Variants in DERL2 observed in about 807,000 individuals in gnomAD.
DERL2 encodes derlin-2.
In DERL2, 13 loss-of-function variants were observed where a neutral mutation model predicts 32.0. That is an observed-to-expected ratio of 0.41 (90% CI 0.26 to 0.65). The LOEUF (loss-of-function observed/expected upper bound fraction) is 0.65, where lower values mean the gene tolerates loss of function less well. DERL2 is among the 30% of genes least tolerant of loss of function. The pLI is 0.35. For missense variants in DERL2, 208 were observed against 296.3 expected (o/e 0.70, Z 2.19); for synonymous variants, 111 against 104.7 (o/e 1.06, Z -0.37).
chr17:5,486,198 C>T (rs755366412), upstream of DERL2: 9 of 1,242,164 alleles, frequency 7.2e-6, no homozygotes, highest in Admixed American at 7.4e-5. Flanking sequence ...CCCACCCACC[C>T]CATTTCCCCT....
upstream of DERL2, chr17:5,486,580 T>A: frequency 6.4e-6 from 1 of 156,826 alleles, no homozygotes. Context: ...GTCGGAATTT[T>A]GGGGAGCCAA....
chr17:5,480,362 TA>T, intron 5 of DERL2, 24 bp downstream of exon 5: 1 of 1,582,496 alleles, frequency 6.3e-7, no homozygotes, highest in Admixed American at 2.0e-5. Flanking sequence ...TAAAATAATT[TA>T]AAAAATAGTG....
At chr17:5,482,500 C>T (rs866690765) in intron 3 of DERL2, 22 of 223,530 alleles carry the variant, frequency 9.8e-5, no homozygotes, top group East Asian at 1.5e-4. Flanking sequence ...GGTTGTTTTA[C>T]GGCTTCGAAC....
rs1905255722 is a variant in DERL2, at chr17:5,474,255, ATC to A, written c.*427_*428del. The A allele has an allele frequency of 6.5e-6, 1 of 153,606 alleles. No individual in the cohort carries two copies. The highest frequency in any genetic ancestry group is 2.4e-5 in the African/African-American group (1 of 41,502). 9.5% of individuals were successfully genotyped at this position (153,606 alleles called of 1,614,324 possible). ...CTACGCAGGAGGGCTACAATACATT[ATC>A]AGAATTTAAAAGATCACACACAAAA... On this transcript the variant is annotated 3_prime_UTR_variant, in exon 7 of 7. Coordinates refer to ENST00000158771, the MANE Select transcript of DERL2 (RefSeq NM_016041.5). This position sits in a 1 kb window ranked among gnomAD's most constrained non-coding sequence, Gnocchi z 4.3.
Position 5,481,965 on chromosome 17 carries a change from C to T in DERL2, c.234-576G>A, listed in dbSNP as rs1168155717. 3.3e-5 allele frequency among the ~76,000 whole-genome samples: 5 copies of T among 152,086 alleles called. No homozygotes were observed. The highest frequency in any genetic ancestry group is 5.9e-5 in the Non-Finnish European group (4 of 67,998). ...CCCGGCCCTCCAGTCCCCTATTAAA[C>T]CTTTAAAAATTTGTATTGTCTTTCC... On this transcript the variant is annotated intron_variant, in intron 3 of 6. Coordinates refer to ENST00000158771, the MANE Select transcript of DERL2 (RefSeq NM_016041.5). The surrounding 1 kb of genome is among the most constrained non-coding windows in gnomAD (Gnocchi z 4.4).
rs1905173080 is a variant in DERL2 at position 5,472,662 on chromosome 17, G to GTT, written c.*2020_*2021dup. Reference sequence around the variant, plus strand: ...TATTCCCTACTTAAATGAACAGTGAGTTAACAGATTTTAGGATTAGTATTT... The same window carrying GTT: ...TATTCCCTACTTAAATGAACAGTGAGTTTTAACAGATTTTAGGATTAGTATTT... On this transcript the variant is annotated 3_prime_UTR_variant, in exon 7 of 7. Transcript: ENST00000158771. The GTT allele has an allele frequency of 1.3e-5, 2 of 151,940 alleles. No homozygotes were observed. Among genetic ancestry groups the GTT allele is most frequent in the African/African-American group, 4.8e-5 (2 of 41,336 alleles). 9.4% of individuals were successfully genotyped at this position (151,940 alleles called of 1,614,324 possible).
chr17:5,480,190 A>C (rs761909949), intron 5 of DERL2, 46 bp from the exon 6 acceptor site: 9 of 1,391,430 alleles, frequency 6.5e-6, no homozygotes, highest in Non-Finnish European at 9.1e-6. Flanking sequence ...ATTAAAATTT[A>C]GATTGCAGGT....
rs939827614 is a variant in DERL2 at position 5,486,171 on chromosome 17, C to A, written c.-10G>T. 6.3e-7 allele frequency: 1 copy of A among 1,580,182 alleles called. No individual in the cohort carries two copies. The highest frequency in any genetic ancestry group is 8.6e-7 in the Non-Finnish European group (1 of 1,163,374). On this transcript the variant is annotated 5_prime_UTR_variant, in exon 1 of 7. Coordinates refer to ENST00000158771, the MANE Select transcript of DERL2 (RefSeq NM_016041.5). The stretch of plus-strand genomic sequence containing the variant: ...AGCTCTGGTACGCCATCTTCCCCAC[C>A]GTCGCCTGCCCCACCCCCCACCCAC...
intron 6 of DERL2, among the ~76,000 whole-genome samples, chr17:5,476,706 A>G (rs548558237): frequency 3.3e-5 from 5 of 152,214 alleles, no homozygotes; most frequent in African/African-American, 4.8e-5. Context: ...GCTTGAACCC[A>G]GGAGGCGGAG....
At chr17:5,477,160 T>C (rs1355254185) in intron 6 of DERL2, among the ~76,000 whole-genome samples, 2 of 152,052 alleles carry the variant, frequency 1.3e-5, no homozygotes, top group African/African-American at 2.4e-5. Flanking sequence ...CCAAATAATA[T>C]TCAGCAATAA....
At chr17:5,485,078 A>G (rs1345239257) in intron 2 of DERL2, 73 bp downstream of exon 2, 18 of 1,124,522 alleles carry the variant, frequency 1.6e-5, no homozygotes, top group Non-Finnish European at 1.4e-5. Context: ...ATAGTGTATA[A>G]CAGGATTTGC....
Position 5,474,926 on chromosome 17 carries a change from A to C in DERL2, c.615-137T>G, listed in dbSNP as rs1302256266. ...TGCCTGCCAATTAAACAGTTAACAT[A>C]TTGTAAGAGCATCTATAATTATTAA... On this transcript the variant is annotated intron_variant, in intron 6 of 6. Coordinates refer to ENST00000158771, the MANE Select transcript of DERL2 (RefSeq NM_016041.5). The surrounding 1 kb of genome is among the most constrained non-coding windows in gnomAD (Gnocchi z 4.3). 2 of 490,398 alleles carry C rather than the reference A, an allele frequency of 4.1e-6. No homozygotes were observed. The highest frequency in any genetic ancestry group is 7.2e-6 in the Non-Finnish European group (2 of 277,290). 30.4% of individuals were successfully genotyped at this position (490,398 alleles called of 1,614,324 possible).
At chr17:5,475,855 T>G (rs1469147382) in intron 6 of DERL2, among the ~76,000 whole-genome samples, 1 of 152,180 alleles carries the variant, frequency 6.6e-6, no homozygotes, top group Non-Finnish European at 1.5e-5. Flanking sequence ...AAATATTGTA[T>G]GATTCCACTT....
chr17:5,472,453 A>G lies in DERL2; in HGVS notation c.*2231T>C, dbSNP rs544241069. On this transcript the variant is annotated 3_prime_UTR_variant, in exon 7 of 7. Transcript: ENST00000158771. ...GGTGGTTGTAGGGCTGGCCAAACTG[A>G]TGAGAGGTGATTGAAATTACCACTG... is the stretch of plus-strand genomic sequence containing the variant. The G allele has an allele frequency of 1.7e-4, 26 of 152,322 alleles. No homozygotes were observed. The East Asian group carries it at 4.8e-3, about 28-fold the overall frequency. The allele number at this position is 152,322 out of a possible 1,614,324, so 9.4% of individuals were successfully genotyped here. A position where few individuals can be genotyped will look rare whatever the true frequency, so the allele number is the denominator to read the frequency against.
At chr17:5,485,908 G>A (rs190659801) in intron 1 of DERL2, 161 bp downstream of exon 1, 4 of 522,510 alleles carry the variant, frequency 7.7e-6, no homozygotes, top group African/African-American at 2.0e-5. Context: ...CACTGGATAA[G>A]CATTCTTGGC....
chr17:5,486,480 C>A (rs1272682493), upstream of DERL2: 1 of 266,102 alleles, frequency 3.8e-6, no homozygotes, highest in Non-Finnish European at 7.2e-6. Context: ...CCGCCCGGCC[C>A]CTTTCTGTCA....
rs1175022178 is a variant in DERL2 at position 5,474,684 on chromosome 17, T to C, written c.720A>G (p.Ter240=). 2 of 1,609,366 alleles carry C rather than the reference T, an allele frequency of 1.2e-6. No individual in the cohort carries two copies. The highest frequency in any genetic ancestry group is 4.5e-5 in the East Asian group (2 of 44,440). ...AWGEGQRLGG[*] is the part of the protein sequence containing the mutation. ...GGGTCTCATTATTGGCACTGCTGCT[T>C]TAACCTCCAAGCCGCTGGCCCTCAC... is the stretch of plus-strand genomic sequence containing the variant. Residue 240 remains the stop codon, a stop_retained_variant, in exon 7 of 7, where the codon TAA becomes TAG. Transcript: ENST00000158771. The surrounding 1 kb of genome is among the most constrained non-coding windows in gnomAD (Gnocchi z 4.3).
At position 5,486,079 on chromosome 17, in the gene DERL2, G is replaced by C; in HGVS notation, c.83C>G (p.Thr28Ser). 1 of 1,611,012 alleles carries C rather than the reference G, an allele frequency of 6.2e-7. No homozygotes were observed. ...RAYTTACVLT[T>S]AAVQLELITP... ...ACTGCAGCTGCTCACCACGGCGGCG[G>C]TGGTGAGGACGCAGGCAGTGGTGTA... Residue 28 changes from threonine (T) to serine (S), a missense_variant, in exon 1 of 7, where the codon ACC becomes AGC. By Grantham distance (58) the Thr-to-Ser change is moderately conservative. Transcript: ENST00000158771.
chr17:5,478,904 C>T (rs1414022795), intron 6 of DERL2, among the ~76,000 whole-genome samples: 2 of 152,184 alleles, frequency 1.3e-5, no homozygotes, highest in Non-Finnish European at 2.9e-5. Flanking sequence ...ACTGCAGTCT[C>T]AACCCTCTGG....
Sources: gnomAD v4.1 joint callset for allele counts (sites outside exome capture counted in the v4.1 genomes callset) on GRCh38, gnomAD v4.1.1 for gene constraint, Gnocchi (gnomAD v3.1) non-coding constraint, MANE v1.5 for transcripts, NCBI Gene and HGNC (gene_info 2026-07-23, HGNC 2026-07-21) for gene names.